DCHS2: variants seen among roughly 807,000 people sequenced by gnomAD.
DCHS2 encodes the protein protocadherin-23.
Under a neutral mutation model 182.4 loss-of-function variants are expected in DCHS2, and 142 were observed. The observed-to-expected ratio is 0.78, with a 90% CI of 0.68 to 0.89. The LOEUF (loss-of-function observed/expected upper bound fraction) is 0.89. Among genes scored for constraint, DCHS2 ranks in the 40% least tolerant of loss-of-function variants. DCHS2 has a pLI of 0.00. For missense variants in DCHS2, 4,319 were observed against 4,198.6 expected (o/e 1.03, Z -0.79); for synonymous variants, 1,740 against 1,663.3 (o/e 1.05, Z -1.12).
Position 154,322,281 on chromosome 4 carries a change from T to A in DCHS2, c.4176+50A>T, listed in dbSNP as rs570085100. On this transcript the variant is annotated intron_variant, in intron 8 of 19. Coordinates refer to ENST00000357232, the MANE Select transcript of DCHS2 (RefSeq NM_001358235.2). ...TCACTCTATAAACTTGTAATGAAAG[T>A]CAAATGAAATCTTTAGATGTCCTTC... The A allele has an allele frequency of 1.6e-5, 26 of 1,608,224 alleles. No homozygotes were observed. In the South Asian group the frequency reaches 2.8e-4, roughly 17 times the overall value.
At chr4:154,444,275 C>A (rs1289852327) in intron 1 of DCHS2, among the ~76,000 whole-genome samples, 1 of 152,158 alleles carries the variant, frequency 6.6e-6, no homozygotes, top group Non-Finnish European at 1.5e-5. Flanking sequence ...ATATATCCAA[C>A]AATGTATGCC....
chr4:154,385,187 C>G (rs1396222071), intron 1 of DCHS2, among the ~76,000 whole-genome samples: 1 of 148,776 alleles, frequency 6.7e-6, no homozygotes, highest in African/African-American at 2.5e-5. Context: ...GGTTTTTTGT[C>G]CTTGCAATAG....
At chr4:154,289,894 A>AGGGTAT (rs1734571780) in intron 13 of DCHS2, among the ~76,000 whole-genome samples, 1 of 152,114 alleles carries the variant, frequency 6.6e-6, no homozygotes, top group African/African-American at 2.4e-5. Flanking sequence ...CTTCATGATA[A>AGGGTAT]ACACCTTCAA....
chr4:154,249,505 G>C (rs1732246306), intron 16 of DCHS2, among the ~76,000 whole-genome samples: 1 of 152,168 alleles, frequency 6.6e-6, no homozygotes, highest in Non-Finnish European at 1.5e-5. Flanking sequence ...GTGGAAAGCA[G>C]TTTGGAGATT....
intron 3 of DCHS2, chr4:154,343,540 C>T: frequency 6.6e-7 from 1 of 1,525,972 alleles, no homozygotes; most frequent in Non-Finnish European, 8.8e-7. Flanking sequence ...GCTGCTTCAT[C>T]TTGCACTTTT....
At chr4:154,284,190 A>G (rs1056031053) in intron 13 of DCHS2, among the ~76,000 whole-genome samples, 11 of 152,232 alleles carry the variant, frequency 7.2e-5, no homozygotes, top group African/African-American at 2.7e-4. Flanking sequence ...TCATGAAAAC[A>G]GCATTTTTAT....
At chr4:154,373,830 A>G (rs1461661991) in intron 2 of DCHS2, 17 of 1,027,886 alleles carry the variant, frequency 1.7e-5, no homozygotes, top group Non-Finnish European at 2.2e-5. Context: ...GCAAGCACTC[A>G]GGGGAGAAGG....
At position 154,377,387 on chromosome 4, in the gene DCHS2, C is replaced by T. The variant is rs1730956781; in HGVS notation, c.2110G>A (p.Asp704Asn). 1 of 1,613,416 alleles carries T rather than the reference C, an allele frequency of 6.2e-7. No homozygotes were observed. Residue 704 changes from aspartate to asparagine, a missense_variant, in exon 2 of 20, where the codon GAT (aspartate) becomes AAT (asparagine). Physicochemically the swap from Asp to Asn is conservative, Grantham distance 23. Coordinates refer to ENST00000357232, the MANE Select transcript of DCHS2 (RefSeq NM_001358235.2). ...LYGFIEYSLY[D>N]GFLSYEAPQA... ...GGTGCTTCATAGCTCAGGAATCCAT[C>T]ATAAAGAGAATATTCAATAAAGCCA...
chr4:154,467,731 C>A (rs1735296955), intron 1 of DCHS2, among the ~76,000 whole-genome samples: 1 of 151,996 alleles, frequency 6.6e-6, no homozygotes, highest in Non-Finnish European at 1.5e-5. Context: ...CACCTAATGG[C>A]AATTTTGAAG....
chr4:154,459,763 T>A (rs966771798), intron 1 of DCHS2, among the ~76,000 whole-genome samples: 7 of 151,662 alleles, frequency 4.6e-5, no homozygotes, highest in Admixed American at 3.9e-4. Flanking sequence ...TCTCTCTCTC[T>A]CTCTCTCTCT....
intron 1 of DCHS2, among the ~76,000 whole-genome samples, chr4:154,459,234 T>C (rs547527729): frequency 9.9e-5 from 15 of 152,116 alleles, no homozygotes; most frequent in Non-Finnish European, 2.2e-4. Flanking sequence ...CAAAATGGAA[T>C]AGCCCTGAAG....
intron 1 of DCHS2, among the ~76,000 whole-genome samples, chr4:154,449,652 C>T (rs1242811817): frequency 1.3e-5 from 2 of 152,170 alleles, no homozygotes; most frequent in African/African-American, 4.8e-5. Context: ...GGATTACAGG[C>T]ATGAGCCACC....
Position 154,298,525 on chromosome 4 carries a change from C to T in DCHS2, c.5789G>A (p.Ser1930Asn). The T allele has an allele frequency of 1.2e-6, 2 of 1,614,108 alleles. No individual in the cohort carries two copies. Among genetic ancestry groups the T allele is most frequent in the Non-Finnish European group, 1.7e-6 (2 of 1,179,982 alleles). The change falls in exon 13 of 20, where the codon AGT (serine) becomes AAT (asparagine). Residue 1930 changes from serine to asparagine, a missense_variant. Coordinates refer to ENST00000357232, the MANE Select transcript of DCHS2 (RefSeq NM_001358235.2). The part of the protein sequence containing the change: ...QVRVLDANDH[S>N]PSFPTLYYQS... ...GTAATAAAGTGTGGGAAAAGAAGGA[C>T]TGTGGTCATTGGCATCCAAAACTCT...
intron 12 of DCHS2, among the ~76,000 whole-genome samples, chr4:154,303,402 C>A (rs1225695986): frequency 6.7e-6 from 1 of 148,736 alleles, no homozygotes; most frequent in Non-Finnish European, 1.5e-5. Context: ...ACCTTTGTTA[C>A]TCTTTAAAAA....
chr4:154,439,587 TC>T (rs1276281357), intron 1 of DCHS2, among the ~76,000 whole-genome samples: 1 of 152,214 alleles, frequency 6.6e-6, no homozygotes, highest in Non-Finnish European at 1.5e-5. Context: ...ATGAATCTGC[TC>T]AAGGAGCTCT....
chr4:154,490,887 C>A lies in DCHS2; in HGVS notation c.469G>T (p.Val157Phe), dbSNP rs966780081. Residue 157 changes from valine (V) to phenylalanine (F), a missense_variant, in exon 1 of 20, where the codon GTC becomes TTC. Coordinates refer to ENST00000357232, the MANE Select transcript of DCHS2 (RefSeq NM_001358235.2). The part of the protein sequence containing the change: ...LGAVVQVEIR[V>F]NDVNDHSPRF... Reference sequence around the variant, plus strand: ...GGCGAGTGGTCATTCACGTCGTTGACGCGAATCTCCACCTGCACCACAGCG... The same window carrying A: ...GGCGAGTGGTCATTCACGTCGTTGAAGCGAATCTCCACCTGCACCACAGCG... The A allele has an allele frequency of 6.4e-7, 1 of 1,551,428 alleles. No homozygotes were observed. The highest frequency in any genetic ancestry group is 8.7e-7 in the Non-Finnish European group (1 of 1,146,916).
intron 13 of DCHS2, among the ~76,000 whole-genome samples, chr4:154,287,852 TC>T (rs1316900302): frequency 6.6e-6 from 1 of 152,130 alleles, no homozygotes; most frequent in Non-Finnish European, 1.5e-5. Flanking sequence ...TGCCAAGTTA[TC>T]ATCAGTTTAA....
At chr4:154,386,358 T>C (rs1297761635) in intron 1 of DCHS2, among the ~76,000 whole-genome samples, 1 of 152,154 alleles carries the variant, frequency 6.6e-6, no homozygotes, top group Non-Finnish European at 1.5e-5. Flanking sequence ...GTACTTGGTG[T>C]TCTCTGTGCC....
chr4:154,234,318 T>C lies in DCHS2; in HGVS notation c.*218A>G, dbSNP rs1731336639. ...ACTACTTAATATATACAAATGTGAGTCCTGAGAGCAACACATAAGGATTAA... is the reference window on the plus strand; with the variant it reads ...ACTACTTAATATATACAAATGTGAGCCCTGAGAGCAACACATAAGGATTAA... On this transcript the variant is annotated 3_prime_UTR_variant, in exon 20 of 20. Transcript: ENST00000357232. 3 of 572,196 alleles carry C rather than the reference T, an allele frequency of 5.2e-6. No individual in the cohort carries two copies. Among genetic ancestry groups the C allele is most frequent in the Non-Finnish European group, 8.7e-6 (3 of 345,114 alleles). The allele number at this position is 572,196 out of a possible 1,614,324, so 35.4% of individuals were successfully genotyped here.
Sources: gnomAD v4.1 joint callset for allele counts (sites outside exome capture counted in the v4.1 genomes callset) on GRCh38, gnomAD v4.1.1 for gene constraint, MANE v1.5 for transcripts, NCBI Gene and HGNC (gene_info 2026-07-23, HGNC 2026-07-21) for gene names.